Variants in CLIC5 observed in about 807,000 individuals in gnomAD.
CLIC5 encodes CLIC family member 5.
A neutral mutation model predicts 24.7 loss-of-function variants in CLIC5; 20 were observed. The observed-to-expected ratio is 0.81, with a 90% CI of 0.57 to 1.18. CLIC5 has a LOEUF of 1.18. Among genes scored for constraint, CLIC5 ranks in the 50% most tolerant of loss-of-function variants. The probability of loss-of-function intolerance (pLI) is 0.00; values close to 1 mark genes in which losing one functional copy is unlikely to be tolerated. For missense variants in CLIC5, 341 were observed against 326.1 expected (o/e 1.05, Z -0.35); for synonymous variants, 159 against 135.6 (o/e 1.17, Z -1.20).
At chr6:45,991,363 G>A (rs761708212) in intron 1 of CLIC5, among the ~76,000 whole-genome samples, 1 of 152,196 alleles carries the variant, frequency 6.6e-6, no homozygotes, top group Non-Finnish European at 1.5e-5. Flanking sequence ...GCCTCTAGGG[G>A]CTGAGGGCCT....
At chr6:46,030,464 A>T (rs145417349) in intron 1 of CLIC5, among the ~76,000 whole-genome samples, 1 of 152,010 alleles carries the variant, frequency 6.6e-6, no homozygotes, top group Admixed American at 6.6e-5. Flanking sequence ...TCATCCCTCA[A>T]ATCCATCCTT....
At chr6:46,061,659 A>G (rs1762287577) in intron 1 of CLIC5, among the ~76,000 whole-genome samples, 1 of 152,216 alleles carries the variant, frequency 6.6e-6, no homozygotes, top group African/African-American at 2.4e-5. Flanking sequence ...GAGACACTTA[A>G]TGGGCCTGGA....
intron 1 of CLIC5, among the ~76,000 whole-genome samples, chr6:46,051,313 A>G (rs551530205): frequency 6.6e-6 from 1 of 152,326 alleles, no homozygotes; most frequent in African/African-American, 2.4e-5. Context: ...TAGCACAATT[A>G]TCTCAGTGTG....
Position 45,899,975 on chromosome 6 carries a change from G to A in CLIC5, c.*3113C>T, listed in dbSNP as rs1762467639. On this transcript the variant is annotated 3_prime_UTR_variant, in exon 6 of 6. Transcript: ENST00000339561. Reference sequence around the variant, plus strand: ...AGAATATAGCTATGCTCACATCTGTGACTCTGAATTTATCAAGCATTTGAC... The same window carrying A: ...AGAATATAGCTATGCTCACATCTGTAACTCTGAATTTATCAAGCATTTGAC... 6.6e-6 allele frequency: 1 copy of A among 152,156 alleles called. No homozygotes were observed. The highest frequency in any genetic ancestry group is 2.4e-5 in the African/African-American group (1 of 41,430). 9.4% of individuals were successfully genotyped at this position (152,156 alleles called of 1,614,324 possible).
At chr6:46,091,052 G>A in the CLIC5 span, among the ~76,000 whole-genome samples, 66 of 152,136 alleles carry the variant, frequency 4.3e-4, no homozygotes, top group Non-Finnish European at 6.3e-4. Context: ...ACATGGCAGC[G>A]CGAAGTTGCT....
chr6:46,113,180 G>A, the CLIC5 span, among the ~76,000 whole-genome samples: 3 of 152,128 alleles, frequency 2.0e-5, no homozygotes, highest in Non-Finnish European at 2.9e-5. Context: ...ATCCTGTGAG[G>A]CACCATCAGC....
intron 1 of CLIC5, among the ~76,000 whole-genome samples, chr6:46,005,349 A>G (rs1766511978): frequency 1.3e-5 from 2 of 152,190 alleles, no homozygotes; most frequent in South Asian, 4.1e-4. Context: ...ATAGAGGTTG[A>G]TATAGGATAT....
At chr6:46,054,143 C>T (rs911434733) in intron 1 of CLIC5, among the ~76,000 whole-genome samples, 1 of 152,146 alleles carries the variant, frequency 6.6e-6, no homozygotes, top group African/African-American at 2.4e-5. Flanking sequence ...TGTGTTCCTT[C>T]ACAGCCAGTC....
At chr6:46,061,368 GT>G (rs1197900079) in intron 1 of CLIC5, among the ~76,000 whole-genome samples, 3 of 152,030 alleles carry the variant, frequency 2.0e-5, no homozygotes, top group Non-Finnish European at 4.4e-5. Flanking sequence ...GTTTTTGTGT[GT>G]TTTATTAGAG....
upstream of CLIC5, among the ~76,000 whole-genome samples, chr6:46,084,264 A>C (rs1477514420): frequency 6.6e-6 from 1 of 152,142 alleles, no homozygotes; most frequent in Non-Finnish European, 1.5e-5. Flanking sequence ...TGGAGCATTT[A>C]GTCCATTTAC....
At chr6:45,976,473 G>A (rs1452705706) in intron 1 of CLIC5, among the ~76,000 whole-genome samples, 1 of 152,128 alleles carries the variant, frequency 6.6e-6, no homozygotes, top group East Asian at 1.9e-4. Flanking sequence ...GTCACTCTAT[G>A]TACATGCATT....
chr6:45,889,053 T>C (rs1438972773), intron 6 of CLIC5, among the ~76,000 whole-genome samples: 4 of 152,142 alleles, frequency 2.6e-5, no homozygotes, highest in African/African-American at 9.7e-5. Flanking sequence ...TGGGAGGTGA[T>C]CCCTATATAC....
At position 45,914,273 on chromosome 6, in the gene CLIC5, C is replaced by T; in HGVS notation, c.543G>A (p.Leu181=). The T allele has an allele frequency of 1.9e-6, 3 of 1,609,012 alleles. No individual in the cohort carries two copies. Among genetic ancestry groups the T allele is most frequent in the Non-Finnish European group, 2.6e-6 (3 of 1,176,430 alleles). ...GCAACAGATTGCAGTCAGCCAGGGTCAGCTCATCCCCATCCAGGAACTTGC... is the reference window on the plus strand; with the variant it reads ...GCAACAGATTGCAGTCAGCCAGGGTTAGCTCATCCCCATCCAGGAACTTGC... ...SRRKFLDGDE[L]TLADCNLLPK... is the part of the protein sequence containing the mutation. Residue 181 remains leucine, a synonymous_variant, in exon 5 of 6, where the codon CTG becomes CTA. Transcript: ENST00000339561.
At chr6:45,912,437 T>C in intron 5 of CLIC5, 5 of 1,175,096 alleles carry the variant, frequency 4.3e-6, no homozygotes, top group Non-Finnish European at 5.3e-6. Flanking sequence ...GGGAGATTCA[T>C]TTGTTTGCTT....
chr6:45,935,394 G>T (rs1482833387), intron 4 of CLIC5, among the ~76,000 whole-genome samples: 1 of 152,220 alleles, frequency 6.6e-6, no homozygotes, highest in African/African-American at 2.4e-5. Context: ...TGCCAGGCAG[G>T]CTGGGTAGAG....
rs76883893 is a variant in CLIC5, at chr6:45,900,784, G to A, written c.*2304C>T. 6.6e-6 allele frequency: 1 copy of A among 152,178 alleles called. No homozygotes were observed. Among genetic ancestry groups the A allele is most frequent in the East Asian group, 1.9e-4 (1 of 5,180 alleles). 9.4% of individuals were successfully genotyped at this position (152,178 alleles called of 1,614,324 possible). A position where few individuals can be genotyped will look rare whatever the true frequency, so the allele number is the denominator to read the frequency against. On this transcript the variant is annotated 3_prime_UTR_variant, in exon 6 of 6. Transcript: ENST00000339561. ...TCCTTGTCTTAATATATTTATCTCT[G>A]TAAAACTAGCTCAACCACAGAAGGG...
chr6:45,972,323 G>A (rs1765228196), intron 1 of CLIC5, among the ~76,000 whole-genome samples: 1 of 152,168 alleles, frequency 6.6e-6, no homozygotes, highest in Admixed American at 6.5e-5. Context: ...TTCTCTGTGA[G>A]GATCAAAGGT....
At chr6:46,113,665 G>GT in the CLIC5 span, among the ~76,000 whole-genome samples, 3 of 152,162 alleles carry the variant, frequency 2.0e-5, no homozygotes, top group Non-Finnish European at 4.4e-5. Context: ...GCTGAATTGT[G>GT]TGTCCCTGCC....
chr6:46,036,753 A>G (rs911136357), intron 1 of CLIC5, among the ~76,000 whole-genome samples: 1 of 152,208 alleles, frequency 6.6e-6, no homozygotes, highest in Admixed American at 6.5e-5. Context: ...TATAGTATCA[A>G]ATGTTTTGCT....
Sources: gnomAD v4.1 joint callset for allele counts (sites outside exome capture counted in the v4.1 genomes callset) on GRCh38, gnomAD v4.1.1 for gene constraint, MANE v1.5 for transcripts, NCBI Gene and HGNC (gene_info 2026-07-23, HGNC 2026-07-21) for gene names.